The following ARHGEF3 variants were observed in gnomAD, a reference collection of about 807,000 sequenced individuals.
ARHGEF3 encodes 59.8 kDA protein.
ARHGEF3 carries 28 observed loss-of-function variants against 63.2 expected under a neutral mutation model. That is an observed-to-expected ratio of 0.44 (90% CI 0.33 to 0.61). ARHGEF3 has a LOEUF of 0.61. ARHGEF3 is among the 20% of genes least tolerant of loss of function. The probability of loss-of-function intolerance (pLI) is 0.03; values close to 1 mark genes in which losing one functional copy is unlikely to be tolerated. For synonymous variants in ARHGEF3, 266 were observed against 254.2 expected (o/e 1.05, Z -0.44); for missense variants, 533 against 659.3 (o/e 0.81, Z 2.10).
chr3:56,747,410 TG>T (rs2034456373), intron 6 of ARHGEF3, among the ~76,000 whole-genome samples: 1 of 152,194 alleles, frequency 6.6e-6, no homozygotes, highest in African/African-American at 2.4e-5. Flanking sequence ...GGGCATGACC[TG>T]AAAGGCTATC....
intron 2 of ARHGEF3, among the ~76,000 whole-genome samples, chr3:57,004,900 C>T (rs1455969537): frequency 6.6e-6 from 1 of 152,026 alleles, no homozygotes; most frequent in Non-Finnish European, 1.5e-5. Flanking sequence ...TTTGAGGCTG[C>T]AGTGAGCTGA....
At chr3:56,787,268 C>T (rs2036863326) in intron 1 of ARHGEF3, among the ~76,000 whole-genome samples, 1 of 152,118 alleles carries the variant, frequency 6.6e-6, no homozygotes, top group African/African-American at 2.4e-5. Context: ...CGAGGGGCGC[C>T]CCTGAGTTTG....
intron 1 of ARHGEF3, among the ~76,000 whole-genome samples, chr3:57,056,202 A>G (rs1347854085): frequency 6.6e-6 from 1 of 152,064 alleles, no homozygotes; most frequent in Admixed American, 6.6e-5. Context: ...CCTGGCTAAC[A>G]TGGTGAAACC....
At chr3:56,931,575 C>CA (rs10596928) in intron 3 of ARHGEF3, among the ~76,000 whole-genome samples, 27 of 58,934 alleles carry the variant, frequency 4.6e-4, no homozygotes, top group African/African-American at 1.2e-3. Context: ...GATCCTGTCT[C>CA]AAAAAAAAAA....
chr3:57,074,771 C>G (rs1263931330), intron 1 of ARHGEF3: 4 of 178,482 alleles, frequency 2.2e-5, no homozygotes, highest in Non-Finnish European at 5.4e-5. Flanking sequence ...TGGAGCAAGT[C>G]TTACAATGTG....
intron 1 of ARHGEF3, among the ~76,000 whole-genome samples, chr3:57,062,423 CG>C (rs1705273645): frequency 6.6e-6 from 1 of 152,204 alleles, no homozygotes; most frequent in Non-Finnish European, 1.5e-5. Context: ...AGCCCCCACT[CG>C]GGCTCAGGCT....
At chr3:56,955,240 A>G (rs1302691644) in intron 3 of ARHGEF3, among the ~76,000 whole-genome samples, 1 of 150,718 alleles carries the variant, frequency 6.6e-6, no homozygotes, top group Admixed American at 6.6e-5. Context: ...TTGTTGCCCA[A>G]GCTAGAGTGC....
chr3:56,761,158 C>T (rs896466989), intron 2 of ARHGEF3, among the ~76,000 whole-genome samples: 4 of 152,094 alleles, frequency 2.6e-5, no homozygotes, highest in Non-Finnish European at 5.9e-5. Context: ...GGTCAGCAGC[C>T]GTCTGGCCCC....
chr3:56,839,584 T>A (rs2039241156), intron 4 of ARHGEF3, among the ~76,000 whole-genome samples: 1 of 152,164 alleles, frequency 6.6e-6, no homozygotes, highest in South Asian at 2.1e-4. Flanking sequence ...TTTCTGTAAA[T>A]CTAAAATTAT....
chr3:56,976,947 G>A (rs189773250), intron 2 of ARHGEF3, among the ~76,000 whole-genome samples: 1 of 152,072 alleles, frequency 6.6e-6, no homozygotes, highest in East Asian at 1.9e-4. Flanking sequence ...GCGGGTATGA[G>A]GTAATTCTGA....
chr3:56,912,699 A>G (rs1364631099), intron 3 of ARHGEF3, among the ~76,000 whole-genome samples: 1 of 152,266 alleles, frequency 6.6e-6, no homozygotes, highest in Non-Finnish European at 1.5e-5. Flanking sequence ...TGTATTAACT[A>G]TCACTGACAT....
intron 1 of ARHGEF3, among the ~76,000 whole-genome samples, chr3:57,037,199 A>G (rs1703998553): frequency 2.6e-5 from 4 of 152,264 alleles, no homozygotes; most frequent in Non-Finnish European, 5.9e-5. Flanking sequence ...CCAGAAGAAG[A>G]AAAGATGGAA....
At chr3:56,756,014 G>T (rs774360343) in intron 2 of ARHGEF3, among the ~76,000 whole-genome samples, 2 of 152,166 alleles carry the variant, frequency 1.3e-5, no homozygotes, top group Non-Finnish European at 2.9e-5. Context: ...CTGTCAACTT[G>T]AAAAGTCCTG....
At chr3:56,951,107 C>A in intron 3 of ARHGEF3, among the ~76,000 whole-genome samples, 1 of 151,444 alleles carries the variant, frequency 6.6e-6, no homozygotes, top group South Asian at 2.1e-4. Flanking sequence ...GGAAGGGGAA[C>A]ATCACACACC....
chr3:56,960,100 T>C lies in ARHGEF3; in HGVS notation c.63-1211A>G, dbSNP rs369445212. ...TGACCAGTGTACAGGCTTTGTGGTA[T>C]GTTAGAGCTGAGTAAAAATCTTGAT... On this transcript the variant is annotated intron_variant, in intron 2 of 12. Transcript: ENST00000338458. Among the ~76,000 whole-genome samples the C allele has an allele frequency of 3.5e-4, 54 of 152,354 alleles. 1 individual carries two copies. The East Asian group carries it at 8.9e-3, about 25-fold the overall frequency.
chr3:56,886,134 G>T (rs899763484), intron 3 of ARHGEF3, among the ~76,000 whole-genome samples: 3 of 152,226 alleles, frequency 2.0e-5, no homozygotes, highest in Admixed American at 1.3e-4. Context: ...ACAGAGGCTA[G>T]CAGGGCAGAC....
At chr3:56,976,522 G>A (rs1341482449) in intron 2 of ARHGEF3, among the ~76,000 whole-genome samples, 1 of 152,142 alleles carries the variant, frequency 6.6e-6, no homozygotes, top group African/African-American at 2.4e-5. Context: ...AAATCCATAT[G>A]TAGGTGGCCC....
At chr3:56,833,918 T>TCC (rs10632077) in intron 4 of ARHGEF3, among the ~76,000 whole-genome samples, 1 of 148,442 alleles carries the variant, frequency 6.7e-6, no homozygotes, top group Non-Finnish European at 1.5e-5. Flanking sequence ...TTCTTTGTTT[T>TCC]CCCCCCCCAA....
intron 4 of ARHGEF3, among the ~76,000 whole-genome samples, chr3:56,872,682 G>T (rs1319623836): frequency 6.6e-6 from 1 of 151,844 alleles, no homozygotes; most frequent in Admixed American, 6.6e-5. Flanking sequence ...GCTAATTTTT[G>T]TATTTTTAGT....
Sources: gnomAD v4.1 joint callset for allele counts (sites outside exome capture counted in the v4.1 genomes callset) on GRCh38, gnomAD v4.1.1 for gene constraint, MANE v1.5 for transcripts, NCBI Gene and HGNC (gene_info 2026-07-23, HGNC 2026-07-21) for gene names.